TEC: variants seen among roughly 807,000 people sequenced by gnomAD.
The protein encoded by TEC is tyrosine-protein kinase Tec.
In TEC, 72 loss-of-function variants were observed where a neutral mutation model predicts 93.0. That is an observed-to-expected ratio of 0.77 (90% CI 0.64 to 0.94). The LOEUF (loss-of-function observed/expected upper bound fraction) is 0.94. Ranked by LOEUF, TEC falls within the 40% of genes least tolerant of loss-of-function variation. TEC has a pLI of 0.00. For synonymous variants in TEC, 249 were observed against 247.7 expected, an observed-to-expected ratio of 1.01 and a Z score of -0.05; for missense variants, 630 against 757.9, an observed-to-expected ratio of 0.83 and a Z score of 1.98.
chr4:48,199,326 T>C (rs1722409848), intron 2 of TEC, among the ~76,000 whole-genome samples: 1 of 152,170 alleles, frequency 6.6e-6, no homozygotes, highest in African/African-American at 2.4e-5. Flanking sequence ...CATCTCTCCT[T>C]ATCTCTTTCA....
rs745689320 is a variant in TEC at position 48,156,705 on chromosome 4, T to C, written c.767A>G (p.Lys256Arg). Reference sequence around the variant, plus strand: ...TTCACTGCGGAGGAGTTGCTCTGCCTTGCTTCTATTCATATTTCTGCAATA... The same window carrying C: ...TTCACTGCGGAGGAGTTGCTCTGCCCTGCTTCTATTCATATTTCTGCAATA... ...EWYCRNMNRS[K>R]AEQLLRSEDK... is the part of the protein sequence containing the mutation. Residue 256 changes from lysine (K) to arginine (R), a missense_variant, in exon 9 of 18, where the codon AAG (lysine) becomes AGG (arginine). Lys to Arg is a conservative substitution (Grantham distance 26, BLOSUM62 2). This residue lies in a region of TEC where 335 missense variants were observed against 351.5 expected (regional missense o/e 0.95). Transcript: ENST00000381501. 6.2e-7 allele frequency: 1 copy of C among 1,612,306 alleles called. No individual in the cohort carries two copies. The highest frequency in any genetic ancestry group is 1.7e-5 in the Admixed American group (1 of 59,548).
intron 2 of TEC, among the ~76,000 whole-genome samples, chr4:48,212,110 A>AAAAAATATATAT: frequency 1.1e-4 from 13 of 122,244 alleles, no homozygotes; most frequent in African/African-American, 3.3e-4. Flanking sequence ...AAAAAAAAAA[A>AAAAAATATATAT]ATATATATAT....
chr4:48,243,813 G>A (rs1185240794), intron 1 of TEC, among the ~76,000 whole-genome samples: 1 of 152,082 alleles, frequency 6.6e-6, no homozygotes, highest in Admixed American at 6.6e-5. Flanking sequence ...ACTGGGGCCT[G>A]TTGGGGGTTG....
intron 1 of TEC, among the ~76,000 whole-genome samples, chr4:48,264,484 T>G (rs1265081795): frequency 2.6e-5 from 4 of 152,160 alleles, no homozygotes; most frequent in African/African-American, 7.2e-5. Context: ...ACAACCAGGC[T>G]CTCTGTCAAT....
intron 1 of TEC, among the ~76,000 whole-genome samples, chr4:48,232,900 A>G (rs1723686800): frequency 6.6e-6 from 1 of 152,240 alleles, no homozygotes; most frequent in African/African-American, 2.4e-5. Flanking sequence ...TATCTCTAGA[A>G]GTTGTGATGG....
At chr4:48,203,228 A>C (rs1481838431) in intron 2 of TEC, among the ~76,000 whole-genome samples, 1 of 152,046 alleles carries the variant, frequency 6.6e-6, no homozygotes, top group Non-Finnish European at 1.5e-5. Context: ...AGCTGGGTAC[A>C]GTGGTGTGCA....
At chr4:48,174,371 G>C (rs1274585501) in intron 3 of TEC, among the ~76,000 whole-genome samples, 3 of 152,108 alleles carry the variant, frequency 2.0e-5, no homozygotes, top group Non-Finnish European at 4.4e-5. Flanking sequence ...CAAAGCTGTG[G>C]TAGGAGGCCC....
At chr4:48,249,268 C>T (rs1467757750) in intron 1 of TEC, among the ~76,000 whole-genome samples, 1 of 152,172 alleles carries the variant, frequency 6.6e-6, no homozygotes, top group Non-Finnish European at 1.5e-5. Flanking sequence ...AAAGGCATTC[C>T]TACCTGGGCT....
chr4:48,176,147 T>G lies in TEC; in HGVS notation c.178A>C (p.Lys60Gln), dbSNP rs1242089632. ...TCATTCTTCACTATTTCCACACACT[T>G]GATTTTTGAAACATCAATAAACCCC... The part of the protein sequence containing the change: ...RKGFIDVSKI[K>Q]CVEIVKNDDG... The change falls in exon 3 of 18, where the codon AAG becomes CAG. Residue 60 changes from lysine to glutamine, a missense_variant. Lys to Gln is a moderately conservative substitution (Grantham distance 53, BLOSUM62 1). Transcript: ENST00000381501. 1 of 1,613,670 alleles carries G rather than the reference T, an allele frequency of 6.2e-7. No individual in the cohort carries two copies. Among genetic ancestry groups the G allele is most frequent in the East Asian group, 2.2e-5 (1 of 44,888 alleles).
At chr4:48,156,626 G>C in intron 9 of TEC, 54 bp downstream of exon 9, 1 of 1,482,654 alleles carries the variant, frequency 6.7e-7, no homozygotes, top group South Asian at 1.2e-5. Context: ...ACTTATTATG[G>C]ACTCATTAAA....
chr4:48,205,379 A>T (rs1343559331), intron 2 of TEC, among the ~76,000 whole-genome samples: 1 of 152,150 alleles, frequency 6.6e-6, no homozygotes, highest in Non-Finnish European at 1.5e-5. Context: ...CCATGACATC[A>T]TGCAGGGGCC....
intron 3 of TEC, among the ~76,000 whole-genome samples, chr4:48,172,485 A>G (rs1721155005): frequency 6.7e-6 from 1 of 148,814 alleles, no homozygotes; most frequent in Admixed American, 6.8e-5. Flanking sequence ...CCCATGCTGG[A>G]TGGCAGGGGT....
chr4:48,151,676 G>A (rs900992603), intron 9 of TEC, among the ~76,000 whole-genome samples: 4 of 152,132 alleles, frequency 2.6e-5, no homozygotes, highest in East Asian at 1.9e-4. Context: ...CAGTAGAGCC[G>A]GGGTTTCACT....
chr4:48,160,544 T>G (rs1720588689), intron 8 of TEC, among the ~76,000 whole-genome samples: 1 of 151,796 alleles, frequency 6.6e-6, no homozygotes, highest in South Asian at 2.1e-4. Context: ...CTGGCCAACA[T>G]ATTGAAACCC....
chr4:48,207,662 C>T (rs1722759776), intron 2 of TEC, among the ~76,000 whole-genome samples: 1 of 151,108 alleles, frequency 6.6e-6, no homozygotes, highest in African/African-American at 2.4e-5. Flanking sequence ...GTGGCACATG[C>T]CTGTAGTCCT....
chr4:48,222,604 C>T (rs751258205), intron 2 of TEC, among the ~76,000 whole-genome samples: 39 of 151,874 alleles, frequency 2.6e-4, no homozygotes, highest in African/African-American at 7.5e-4. Context: ...AACTGACCTC[C>T]CCAATGTGAG....
chr4:48,140,447 C>A (rs576220983), intron 15 of TEC, among the ~76,000 whole-genome samples: 22 of 152,202 alleles, frequency 1.4e-4, no homozygotes, highest in Non-Finnish European at 1.6e-4. Context: ...GATCAAGTAG[C>A]CACCCTCACT....
intron 1 of TEC, among the ~76,000 whole-genome samples, chr4:48,234,872 T>G (rs907654836): frequency 1.3e-5 from 2 of 151,994 alleles, no homozygotes; most frequent in Non-Finnish European, 2.9e-5. Flanking sequence ...ATATCTACAA[T>G]TGAAAAAGCA....
chr4:48,151,527 C>A (rs1720162825), intron 9 of TEC, among the ~76,000 whole-genome samples: 1 of 152,154 alleles, frequency 6.6e-6, no homozygotes, highest in Non-Finnish European at 1.5e-5. Context: ...CACATTATTG[C>A]ACAGGCTGGA....
Sources: gnomAD v4.1 joint callset for allele counts (sites outside exome capture counted in the v4.1 genomes callset) on GRCh38, gnomAD v4.1.1 for gene constraint, gnomAD v4.1.1 regional missense constraint, MANE v1.5 for transcripts, NCBI Gene and HGNC (gene_info 2026-07-23, HGNC 2026-07-21) for gene names.